Variants in PSIP1 observed in about 807,000 individuals in gnomAD.
PSIP1 encodes PC4 and SFRS1-interacting protein.
In PSIP1, 19 loss-of-function variants were observed where a neutral mutation model predicts 74.7. The observed-to-expected ratio is 0.25, with a 90% CI of 0.18 to 0.37. The LOEUF (loss-of-function observed/expected upper bound fraction) is 0.37. Ranked by LOEUF, PSIP1 falls within the 10% of genes least tolerant of loss-of-function variation. PSIP1 has a pLI of 1.00. For synonymous variants in PSIP1, 222 were observed against 195.3 expected, an observed-to-expected ratio of 1.14 and a Z score of -1.14; for missense variants, 601 against 614.3, an observed-to-expected ratio of 0.98 and a Z score of 0.23.
intron 6 of PSIP1, among the ~76,000 whole-genome samples, chr9:15,481,566 C>G (rs186578711): frequency 6.6e-6 from 1 of 152,220 alleles, no homozygotes; most frequent in Non-Finnish European, 1.5e-5. Context: ...CACCTGTAAT[C>G]CCAGCCACTC....
chr9:15,468,119 C>T (rs1294413337), intron 14 of PSIP1, among the ~76,000 whole-genome samples: 1 of 52,468 alleles, frequency 1.9e-5, no homozygotes, highest in African/African-American at 6.7e-5. Context: ...GAAACTCCAT[C>T]TTTTAAAAAA....
intron 3 of PSIP1, among the ~76,000 whole-genome samples, chr9:15,490,886 T>C (rs531637633): frequency 6.6e-6 from 1 of 152,292 alleles, no homozygotes; most frequent in South Asian, 2.1e-4. Flanking sequence ...TTTATTTTAC[T>C]GAATGAGGGA....
At chr9:15,472,419 C>A (rs186248020) in intron 10 of PSIP1, 84 of 1,353,498 alleles carry the variant, frequency 6.2e-5, no homozygotes, top group Non-Finnish European at 7.6e-5. Flanking sequence ...AAAAATAATT[C>A]ACAGAGTGAC....
chr9:15,478,429 G>C (rs759819720), intron 8 of PSIP1, 48 bp downstream of exon 8: 2 of 1,355,408 alleles, frequency 1.5e-6, no homozygotes, highest in East Asian at 2.3e-5. Context: ...CTTGTTTAAA[G>C]TCAAATGTCT....
chr9:15,472,707 T>C lies in PSIP1; in HGVS notation c.902A>G (p.Asn301Ser), dbSNP rs2035893175. The C allele has an allele frequency of 1.2e-6, 2 of 1,608,968 alleles. No individual in the cohort carries two copies. Among genetic ancestry groups the C allele is most frequent in the African/African-American group, 1.3e-5 (1 of 74,634 alleles). The change falls in exon 10 of 16, where the codon AAT becomes AGT. Residue 301 changes from asparagine (N) to serine (S), a missense_variant. Asn to Ser is a conservative substitution (Grantham distance 46). Transcript: ENST00000380733. ...GRNFQTAHRR[N>S]MLKGQHEKEA... Reference sequence around the variant, plus strand: ...TTTCTCATGTTGGCCTTTCAGCATATTCCTTCTGTGAGCAGTCTGAAAGTT... The same window carrying C: ...TTTCTCATGTTGGCCTTTCAGCATACTCCTTCTGTGAGCAGTCTGAAAGTT...
intron 10 of PSIP1, chr9:15,471,450 G>C (rs1479570721): frequency 4.2e-6 from 6 of 1,423,954 alleles, no homozygotes; most frequent in South Asian, 1.5e-5. Context: ...AGAAGGGTTG[G>C]GCTACATATA....
At chr9:15,498,401 G>A (rs2037181886) in intron 3 of PSIP1, among the ~76,000 whole-genome samples, 1 of 152,056 alleles carries the variant, frequency 6.6e-6, no homozygotes, top group African/African-American at 2.4e-5. Context: ...GGGTGACAGA[G>A]TGAGGCTCCG....
At chr9:15,507,830 G>A (rs1586872820) in intron 2 of PSIP1, among the ~76,000 whole-genome samples, 1 of 152,170 alleles carries the variant, frequency 6.6e-6, no homozygotes, top group Non-Finnish European at 1.5e-5. Flanking sequence ...GAACTGATTT[G>A]TGAGGGAAGT....
At chr9:15,506,407 G>T in intron 3 of PSIP1, 154 bp downstream of exon 3, 1 of 494,634 alleles carries the variant, frequency 2.0e-6, no homozygotes, top group South Asian at 4.2e-5. Flanking sequence ...ATCTGTAAAC[G>T]CTACCTTAAA....
chr9:15,500,717 A>G (rs750665200), intron 3 of PSIP1, among the ~76,000 whole-genome samples: 2 of 152,200 alleles, frequency 1.3e-5, no homozygotes, highest in Non-Finnish European at 2.9e-5. Context: ...CCTGTGATGT[A>G]TATTTAAAGT....
chr9:15,505,648 G>C (rs919927626), intron 3 of PSIP1: 2 of 152,164 alleles, frequency 1.3e-5, no homozygotes, highest in African/African-American at 2.4e-5. Flanking sequence ...GGTTATGATA[G>C]TCAATATACT....
intron 10 of PSIP1, chr9:15,470,581 G>C (rs1187524033): frequency 1.7e-5 from 16 of 941,540 alleles, no homozygotes; most frequent in Non-Finnish European, 1.9e-5. Context: ...TAGAGTTCAG[G>C]CCATATTATG....
At chr9:15,497,351 T>C (rs960225032) in intron 3 of PSIP1, among the ~76,000 whole-genome samples, 2 of 139,850 alleles carry the variant, frequency 1.4e-5, no homozygotes, top group African/African-American at 2.9e-5. Context: ...TGAGACAGAG[T>C]CTTGCTCTGT....
At chr9:15,471,866 C>A in intron 10 of PSIP1, 1 of 980,426 alleles carries the variant, frequency 1.0e-6, no homozygotes, top group Non-Finnish European at 1.2e-6. Context: ...ACTAAAACAA[C>A]AACAAAAAAA....
chr9:15,472,050 A>G (rs906501933), intron 10 of PSIP1: 3 of 972,194 alleles, frequency 3.1e-6, no homozygotes, highest in Admixed American at 1.2e-4. Flanking sequence ...TTATATAGTA[A>G]GGGGAAAGAA....
At chr9:15,488,067 A>T (rs1245599129) in intron 4 of PSIP1, among the ~76,000 whole-genome samples, 1 of 152,194 alleles carries the variant, frequency 6.6e-6, no homozygotes, top group Non-Finnish European at 1.5e-5. Flanking sequence ...ACAGTGACTT[A>T]TGCCTGTAAT....
intron 3 of PSIP1, among the ~76,000 whole-genome samples, chr9:15,493,099 G>T (rs905235505): frequency 6.6e-6 from 1 of 152,188 alleles, no homozygotes; most frequent in East Asian, 1.9e-4. Context: ...TAGAAAATGG[G>T]TTTTTCTTTT....
At chr9:15,484,551 C>A (rs935273842) in intron 6 of PSIP1, among the ~76,000 whole-genome samples, 1 of 151,808 alleles carries the variant, frequency 6.6e-6, no homozygotes, top group Non-Finnish European at 1.5e-5. Flanking sequence ...ATGGTAAAAC[C>A]TCATCTCTCC....
intron 8 of PSIP1, 115 bp from the exon 9 acceptor site, chr9:15,474,352 G>A (rs2035984827): frequency 3.6e-6 from 3 of 843,682 alleles, no homozygotes; most frequent in South Asian, 2.1e-5. Flanking sequence ...TAAAAAGAGT[G>A]TCTTCACTAT....
Sources: allele counts gnomAD v4.1 joint callset (sites outside exome capture counted in the v4.1 genomes callset), GRCh38; gene constraint gnomAD v4.1.1; transcripts MANE v1.5; gene names NCBI Gene and HGNC (gene_info 2026-07-23, HGNC 2026-07-21).